Variants in ATOX1 observed in about 807,000 individuals in gnomAD.
ATOX1 encodes the protein antioxidant 1 copper chaperone, also known as copper transport protein ATOX1.
Under a neutral mutation model 7.3 loss-of-function variants are expected in ATOX1, and 4 were observed. The observed-to-expected ratio is 0.55, with a 90% CI of 0.27 to 1.25. The LOEUF is 1.25. Among genes scored for constraint, ATOX1 ranks in the 50% most tolerant of loss-of-function variants. The pLI is 0.12. For synonymous variants in ATOX1, 25 were observed against 28.7 expected (o/e 0.87, Z 0.41); for missense variants, 68 against 81.6 (o/e 0.83, Z 0.64).
At chr5:151,747,516 C>G (rs1056429025) in intron 2 of ATOX1, among the ~76,000 whole-genome samples, 4 of 151,926 alleles carry the variant, frequency 2.6e-5, no homozygotes, top group Non-Finnish European at 5.9e-5. Flanking sequence ...AACTTCTAGG[C>G]TCAAGCGATC....
At chr5:151,755,510 C>G (rs1342493113) in intron 1 of ATOX1, among the ~76,000 whole-genome samples, 3 of 152,308 alleles carry the variant, frequency 2.0e-5, no homozygotes, top group East Asian at 3.9e-4. Context: ...AACCCTGACT[C>G]TCAGCAGAAG....
At chr5:151,758,492 G>C (rs922993270) in intron 1 of ATOX1, 54 bp downstream of exon 1, 3 of 1,479,292 alleles carry the variant, frequency 2.0e-6, no homozygotes, top group Non-Finnish European at 2.7e-6. Flanking sequence ...CTGTGCAGCC[G>C]AGAAGCAACC....
intron 2 of ATOX1, among the ~76,000 whole-genome samples, chr5:151,749,451 C>T (rs1298421745): frequency 1.3e-5 from 2 of 150,156 alleles, no homozygotes; most frequent in Non-Finnish European, 3.0e-5. Context: ...CGCCATTGCA[C>T]TCTAGCCTGG....
chr5:151,754,239 A>T (rs28917186), intron 1 of ATOX1: 1 of 152,336 alleles, frequency 6.6e-6, no homozygotes, highest in Non-Finnish European at 1.5e-5. Flanking sequence ...GTCCGGAATC[A>T]GAATCCTCAT....
At chr5:151,751,845 A>G in intron 1 of ATOX1, 66 bp from the exon 2 acceptor site, 3 of 1,497,230 alleles carry the variant, frequency 2.0e-6, no homozygotes, top group East Asian at 2.4e-5. Flanking sequence ...GTGCCAGCAG[A>G]CAGGCCCACT....
chr5:151,748,965 G>C (rs1233632787), intron 2 of ATOX1, among the ~76,000 whole-genome samples: 1 of 152,108 alleles, frequency 6.6e-6, no homozygotes, highest in Non-Finnish European at 1.5e-5. Context: ...AAATAGCCGG[G>C]TGTGGTCCTG....
chr5:151,756,648 A>AT (rs35362123), intron 1 of ATOX1, among the ~76,000 whole-genome samples: 1 of 151,762 alleles, frequency 6.6e-6, no homozygotes, highest in Non-Finnish European at 1.5e-5. Context: ...AATTTTTTGT[A>AT]TTTTTTGTAG....
chr5:151,744,863 T>C (rs531439022), intron 3 of ATOX1: 1 of 152,300 alleles, frequency 6.6e-6, no homozygotes, highest in Non-Finnish European at 1.5e-5. Flanking sequence ...TAAACTTTCA[T>C]ATGTGGAGAG....
Position 151,758,593 on chromosome 5 carries a change from T to C in ATOX1, c.-42A>G. 2.1e-6 allele frequency: 3 copies of C among 1,402,322 alleles called. No individual in the cohort carries two copies. The highest frequency in any genetic ancestry group is 2.8e-6 in the Non-Finnish European group (3 of 1,071,334). The allele number at this position is 1,402,322 out of a possible 1,614,324, so 86.9% of individuals were successfully genotyped here. A position where few individuals can be genotyped will look rare whatever the true frequency, so the allele number is the denominator to read the frequency against. ...GTGTGGCGGCGGTGTGGCGGCGGTGTCAGCAGCGCCTCTCTGGATTCGGAG... is the reference window on the plus strand; with the variant it reads ...GTGTGGCGGCGGTGTGGCGGCGGTGCCAGCAGCGCCTCTCTGGATTCGGAG... On this transcript the variant is annotated 5_prime_UTR_variant, in exon 1 of 4. Coordinates refer to ENST00000313115, the MANE Select transcript of ATOX1 (RefSeq NM_004045.4).
Position 151,752,283 on chromosome 5 carries a change from G to A in ATOX1, c.7-504C>T. 4.3e-6 allele frequency: 3 copies of A among 702,566 alleles called. No individual in the cohort carries two copies. The South Asian group carries it at 4.4e-5, about 10-fold the overall frequency. 43.5% of individuals were successfully genotyped at this position (702,566 alleles called of 1,614,324 possible). A position where few individuals can be genotyped will look rare whatever the true frequency, so the allele number is the denominator to read the frequency against. On this transcript the variant is annotated intron_variant, in intron 1 of 3. Coordinates refer to ENST00000313115, the MANE Select transcript of ATOX1 (RefSeq NM_004045.4). Reference sequence around the variant, plus strand: ...AGGTCTGGGCTGGGGAATCTGTTATGTCTACTCATTACCCCAGGTGATTCT... The same window carrying A: ...AGGTCTGGGCTGGGGAATCTGTTATATCTACTCATTACCCCAGGTGATTCT...
At chr5:151,752,497 AAGAC>A in intron 1 of ATOX1, 1 of 629,090 alleles carries the variant, frequency 1.6e-6, no homozygotes, top group Non-Finnish European at 2.8e-6. Context: ...AAGCTCCCAG[AAGAC>A]AGAGGTTTTG....
At chr5:151,746,215 G>A in intron 3 of ATOX1, 64 bp downstream of exon 3, 2 of 1,452,612 alleles carry the variant, frequency 1.4e-6, no homozygotes, top group Non-Finnish European at 9.2e-7. Context: ...AAAGGCCAAG[G>A]TGTTCGCTCT....
In ATOX1 at chr5:151,758,373, C is replaced by T. The variant is rs950419082; in HGVS notation, c.6+173G>A. Among the ~76,000 whole-genome samples, 16 of 152,384 alleles carry T rather than the reference C, an allele frequency of 1.0e-4. No individual in the cohort carries two copies. In the South Asian group the frequency reaches 3.1e-3, roughly 30 times the overall value. On this transcript the variant is annotated intron_variant, in intron 1 of 3. Coordinates refer to ENST00000313115, the MANE Select transcript of ATOX1 (RefSeq NM_004045.4). ...TCCCAGATTAAACTCCCTTCGGATC[C>T]CATTTTCTGAAGGGTCGCAAAAGCT...
chr5:151,751,995 T>C lies in ATOX1; in HGVS notation c.7-216A>G, dbSNP rs185513871. On this transcript the variant is annotated intron_variant, in intron 1 of 3. Coordinates refer to ENST00000313115, the MANE Select transcript of ATOX1 (RefSeq NM_004045.4). ...TCACAAGTTGTATTCAATGGAATCATCCCTATAAATCCTTTAGCAGTGTCT... is the reference window on the plus strand; with the variant it reads ...TCACAAGTTGTATTCAATGGAATCACCCCTATAAATCCTTTAGCAGTGTCT... 105 of 599,330 alleles carry C rather than the reference T, an allele frequency of 1.8e-4. No individual in the cohort carries two copies. In the East Asian group the frequency reaches 2.3e-3, roughly 13 times the overall value. The allele number at this position is 599,330 out of a possible 1,614,324, so 37.1% of individuals were successfully genotyped here. A position where few individuals can be genotyped will look rare whatever the true frequency, so the allele number is the denominator to read the frequency against.
Position 151,757,604 on chromosome 5 carries a change from G to C in ATOX1, c.6+942C>G, listed in dbSNP as rs181785901. On this transcript the variant is annotated intron_variant, in intron 1 of 3. Coordinates refer to ENST00000313115, the MANE Select transcript of ATOX1 (RefSeq NM_004045.4). Reference sequence around the variant, plus strand: ...CCTCTGGGTATCCACCTGGCCCAGAGCCATGAATTAGGCACCCTGAAGAAA... The same window carrying C: ...CCTCTGGGTATCCACCTGGCCCAGACCCATGAATTAGGCACCCTGAAGAAA... Among the ~76,000 whole-genome samples, 77 of 152,296 alleles carry C rather than the reference G, an allele frequency of 5.1e-4. 1 individual carries two copies. In the East Asian group the frequency reaches 0.014, roughly 27 times the overall value.
At chr5:151,744,595 G>C (rs1476346822) in intron 3 of ATOX1, 1 of 152,110 alleles carries the variant, frequency 6.6e-6, no homozygotes. Flanking sequence ...GTGTGCATTA[G>C]GGCTCCCCAT....
At chr5:151,751,320 A>C (rs1012379283) in intron 2 of ATOX1, among the ~76,000 whole-genome samples, 8 of 151,728 alleles carry the variant, frequency 5.3e-5, no homozygotes, top group Middle Eastern at 3.4e-3. Context: ...TGCAGTACAC[A>C]CTGGAGATGA....
chr5:151,743,873 C>A (rs1761850138), intron 3 of ATOX1: 2 of 152,094 alleles, frequency 1.3e-5, no homozygotes, highest in African/African-American at 4.8e-5. Context: ...GTGACGGGTA[C>A]TTGGGGATTC....
At chr5:151,751,591 T>A in intron 2 of ATOX1, 113 bp downstream of exon 2, 1 of 1,070,730 alleles carries the variant, frequency 9.3e-7, no homozygotes. Flanking sequence ...TGCTAAGTAC[T>A]CAATATATTT....
Sources: gnomAD v4.1 joint callset for allele counts (sites outside exome capture counted in the v4.1 genomes callset) on GRCh38, gnomAD v4.1.1 for gene constraint, MANE v1.5 for transcripts, NCBI Gene and HGNC (gene_info 2026-07-23, HGNC 2026-07-21) for gene names.